Variants in ZNF695 observed in about 807,000 individuals in gnomAD.
ZNF695 encodes the protein zinc finger protein 695.
Under a neutral mutation model 11.2 loss-of-function variants are expected in ZNF695, and 11 were observed. The observed-to-expected ratio is 0.98, with a 90% confidence interval of 0.62 to 1.62. ZNF695 has a LOEUF of 1.62. Among genes scored for constraint, ZNF695 ranks in the 40% most tolerant of loss-of-function variants. The pLI is 0.00. For missense variants in ZNF695, 559 were observed against 590.5 expected (o/e 0.95, Z 0.55); for synonymous variants, 190 against 201.4 (o/e 0.94, Z 0.48).
intron 4 of ZNF695, among the ~76,000 whole-genome samples, chr1:246,973,198 C>T (rs532891996): frequency 7.2e-5 from 11 of 151,932 alleles, no homozygotes; most frequent in Admixed American, 1.3e-4. Context: ...TACAGGCATG[C>T]GCCACCACAC....
rs568887916 is a variant in ZNF695, at chr1:246,956,242, C to T, written c.489-10415G>A. ...TGACCTCGTGATCGACCAGCCTCGG[C>T]CTCCCAAAGTGCTGGGATTACAAGC... On this transcript the variant is annotated intron_variant, in intron 5 of 5. Coordinates refer to the ZNF695 transcript ENST00000487338. Among the ~76,000 whole-genome samples, 70 of 151,296 alleles carry T rather than the reference C, an allele frequency of 4.6e-4. 2 individuals carry two copies. In the South Asian group the frequency reaches 0.015, roughly 31 times the overall value.
At chr1:246,976,328 AG>A (rs1668556964) in intron 4 of ZNF695, among the ~76,000 whole-genome samples, 1 of 152,242 alleles carries the variant, frequency 6.6e-6, no homozygotes. Flanking sequence ...TTTTTTAATT[AG>A]CTAATTATTT....
Position 246,987,324 on chromosome 1 carries a change from C to A in ZNF695, c.1191G>T (p.Gln397His), listed in dbSNP as rs878948617. ...TCTGCCCAGTATGAATTCTCTTATGCTGAATAAGGTATGAGAACCAGGTAA... is the reference window on the plus strand; with the variant it reads ...TCTGCCCAGTATGAATTCTCTTATGATGAATAAGGTATGAGAACCAGGTAA... ...KAFTWFSYLI[Q>H]HKRIHTGQKP... is the part of the protein sequence containing the mutation. The change falls in exon 4 of 4, where the codon CAG becomes CAT. Residue 397 changes from glutamine to histidine, a missense_variant. Transcript: ENST00000339986. 8.1e-6 allele frequency: 13 copies of A among 1,608,624 alleles called. 1 individual carries two copies. The highest frequency in any genetic ancestry group is 1.1e-5 in the Non-Finnish European group (13 of 1,178,424).
downstream of ZNF695, among the ~76,000 whole-genome samples, chr1:246,980,616 C>T (rs1477547673): frequency 6.6e-6 from 1 of 151,998 alleles, no homozygotes; most frequent in Non-Finnish European, 1.5e-5. Context: ...CAGGGTTTCA[C>T]CATGTTGGCC....
chr1:247,002,299 T>C (rs1249961472), intron 1 of ZNF695, among the ~76,000 whole-genome samples: 1 of 151,944 alleles, frequency 6.6e-6, no homozygotes, highest in Non-Finnish European at 1.5e-5. Flanking sequence ...AAGAAATTAT[T>C]TGAAACTAAT....
intron 3 of ZNF695, among the ~76,000 whole-genome samples, chr1:246,991,287 A>C (rs758289346): frequency 6.6e-6 from 1 of 152,192 alleles, no homozygotes. Flanking sequence ...GGAACATATC[A>C]AGTTAAAAAG....
At chr1:246,977,798 A>G (rs1668607675) in intron 4 of ZNF695, among the ~76,000 whole-genome samples, 1 of 152,228 alleles carries the variant, frequency 6.6e-6, no homozygotes, top group African/African-American at 2.4e-5. Flanking sequence ...AGCAGAACTA[A>G]TAGTGCAGTG....
intron 5 of ZNF695, among the ~76,000 whole-genome samples, chr1:246,951,473 A>G (rs1667868967): frequency 6.6e-6 from 1 of 152,226 alleles, no homozygotes; most frequent in Non-Finnish European, 1.5e-5. Flanking sequence ...ATTCTTCCCT[A>G]GAGGCCTTGG....
Position 247,007,960 on chromosome 1 carries a change from G to C in ZNF695, c.-52C>G. On this transcript the variant is annotated 5_prime_UTR_variant, in exon 1 of 4. Coordinates refer to ENST00000339986, the MANE Select transcript of ZNF695 (RefSeq NM_020394.5). ...CCTCCCTATAAATCTCGCAATACCT[G>C]CAGGCCACAGGGCGATGGAGCCTGC... 1 of 1,472,040 alleles carries C rather than the reference G, an allele frequency of 6.8e-7. No individual in the cohort carries two copies. The highest frequency in any genetic ancestry group is 9.1e-7 in the Non-Finnish European group (1 of 1,100,354). The allele number at this position is 1,472,040 out of a possible 1,614,324, so 91.2% of individuals were successfully genotyped here. A position where few individuals can be genotyped will look rare whatever the true frequency, so the allele number is the denominator to read the frequency against.
chr1:247,007,028 A>G (rs1472569203), intron 1 of ZNF695, among the ~76,000 whole-genome samples: 1 of 152,218 alleles, frequency 6.6e-6, no homozygotes, highest in East Asian at 1.9e-4. Context: ...GACAGTCCAA[A>G]TAAGGTGACT....
chr1:247,006,429 A>G lies in ZNF695; in HGVS notation c.3+1477T>C, dbSNP rs1369278100. Among the ~76,000 whole-genome samples the G allele has an allele frequency of 3.9e-5, 6 of 151,962 alleles. No individual in the cohort carries two copies. In the East Asian group the frequency reaches 1.2e-3, roughly 30 times the overall value. ...AGTTCGAGGGCAGCCTGGCCAACATAATGAAACCCCATCTCTACTAAAAAT... is the reference window on the plus strand; with the variant it reads ...AGTTCGAGGGCAGCCTGGCCAACATGATGAAACCCCATCTCTACTAAAAAT... On this transcript the variant is annotated intron_variant, in intron 1 of 3. Coordinates refer to ENST00000339986, the MANE Select transcript of ZNF695 (RefSeq NM_020394.5).
At chr1:247,006,339 G>C (rs138451516) in intron 1 of ZNF695, among the ~76,000 whole-genome samples, 2 of 149,792 alleles carry the variant, frequency 1.3e-5, no homozygotes, top group Admixed American at 6.6e-5. Context: ...TAAGCCGGGC[G>C]CGGTGGTTCA....
downstream of ZNF695, among the ~76,000 whole-genome samples, chr1:246,984,293 A>T (rs1009481566): frequency 2.6e-5 from 4 of 151,364 alleles, no homozygotes; most frequent in Non-Finnish European, 5.9e-5. Flanking sequence ...AAAAAAAAAA[A>T]AAAAAAAGGA....
At chr1:246,964,154 T>C (rs1668231378) in intron 5 of ZNF695, among the ~76,000 whole-genome samples, 1 of 152,066 alleles carries the variant, frequency 6.6e-6, no homozygotes, top group Admixed American at 6.5e-5. Context: ...CCTCCGCGTG[T>C]TCAGCAGCCC....
chr1:246,981,201 A>G (rs1037703106), downstream of ZNF695, among the ~76,000 whole-genome samples: 2 of 152,228 alleles, frequency 1.3e-5, no homozygotes, highest in Non-Finnish European at 2.9e-5. Flanking sequence ...TCTTGTTAGA[A>G]CGACTATAAT....
At chr1:246,948,460 C>T (rs1358343578) in intron 5 of ZNF695, among the ~76,000 whole-genome samples, 2 of 152,072 alleles carry the variant, frequency 1.3e-5, no homozygotes, top group African/African-American at 4.8e-5. Flanking sequence ...GGGGCTTGCA[C>T]CAGAAAATAA....
At chr1:246,980,745 T>A (rs973888901), downstream of ZNF695, among the ~76,000 whole-genome samples, 5 of 152,122 alleles carry the variant, frequency 3.3e-5, no homozygotes, top group Non-Finnish European at 5.9e-5. Context: ...AGTGTACATT[T>A]TAGAGGCATT....
At chr1:246,956,283 C>T (rs1667998874) in intron 5 of ZNF695, among the ~76,000 whole-genome samples, 3 of 151,210 alleles carry the variant, frequency 2.0e-5, no homozygotes, top group African/African-American at 4.9e-5. Flanking sequence ...CTACTGTGCC[C>T]GGCCGATTGG....
At chr1:246,972,124 G>C (rs1668443437) in intron 4 of ZNF695, among the ~76,000 whole-genome samples, 1 of 152,234 alleles carries the variant, frequency 6.6e-6, no homozygotes, top group Non-Finnish European at 1.5e-5. Flanking sequence ...ACCATGCAGG[G>C]AGAAAGCACT....
Sources: gnomAD v4.1 joint callset for allele counts (sites outside exome capture counted in the v4.1 genomes callset) on GRCh38, gnomAD v4.1.1 for gene constraint, MANE v1.5 for transcripts, NCBI Gene and HGNC (gene_info 2026-07-23, HGNC 2026-07-21) for gene names.